The following MEI4 variants were observed in gnomAD, a reference collection of about 807,000 sequenced individuals.
The protein encoded by MEI4 is meiosis-specific protein MEI4.
MEI4 carries 27 observed loss-of-function variants against 31.4 expected under a neutral mutation model. The observed-to-expected ratio is 0.86, with a 90% CI of 0.63 to 1.19. MEI4 has a LOEUF of 1.19. MEI4 is among the 50% of genes most tolerant of loss of function. The pLI, the probability that MEI4 is intolerant of heterozygous loss-of-function variation, is 0.00. For missense variants in MEI4, 329 were observed against 398.9 expected (o/e 0.82, Z 1.49); for synonymous variants, 122 against 145.4 (o/e 0.84, Z 1.16).
chr6:77,736,436 G>T (rs1183349732), intron 2 of MEI4, among the ~76,000 whole-genome samples: 2 of 152,066 alleles, frequency 1.3e-5, no homozygotes, highest in Non-Finnish European at 2.9e-5. Context: ...ACTAGGAAAG[G>T]GAACTCCCTG....
intron 2 of MEI4, among the ~76,000 whole-genome samples, chr6:77,749,967 A>G (rs1767725545): frequency 6.6e-6 from 1 of 152,208 alleles, no homozygotes; most frequent in Admixed American, 6.5e-5. Flanking sequence ...CCAATATTCA[A>G]CATTCTTAAA....
chr6:77,884,040 G>A (rs1771563702), intron 4 of MEI4, among the ~76,000 whole-genome samples: 1 of 151,302 alleles, frequency 6.6e-6, no homozygotes, highest in African/African-American at 2.4e-5. Context: ...TTTGTCTTTT[G>A]GATAATAGCC....
In MEI4 at chr6:77,806,379, G is replaced by C. The variant is rs117442559; in HGVS notation, c.769-22552G>C. The stretch of plus-strand genomic sequence containing the variant: ...TAGAAATGCCCTTGATAAACCCTTT[G>C]GTTACAGGTTAGCACATGCAGTGGT... On this transcript the variant is annotated intron_variant, in intron 3 of 4. Coordinates refer to ENST00000684080, the MANE Select transcript of MEI4 (RefSeq NM_001322247.2). Among the ~76,000 whole-genome samples the C allele has an allele frequency of 3.4e-3, 513 of 152,092 alleles. 2 individuals carry two copies. Among genetic ancestry groups the C allele is most frequent in the Admixed American group, 7.1e-3 (109 of 15,264 alleles).
intron 3 of MEI4, among the ~76,000 whole-genome samples, chr6:77,792,058 C>G (rs1469938727): frequency 2.0e-5 from 3 of 152,076 alleles, no homozygotes; most frequent in African/African-American, 4.8e-5. Flanking sequence ...TCTTTTTGTG[C>G]CTTGGTTATT....
At position 77,777,362 on chromosome 6, in the gene MEI4, C is replaced by A. The variant is rs187304178; in HGVS notation, c.768+15697C>A. Among the ~76,000 whole-genome samples the A allele has an allele frequency of 2.6e-5, 4 of 152,146 alleles. No individual in the cohort carries two copies. In the East Asian group the frequency reaches 7.7e-4, roughly 29 times the overall value. On this transcript the variant is annotated intron_variant, in intron 3 of 4. Transcript: ENST00000684080. The stretch of plus-strand genomic sequence containing the variant: ...TTACCTCTGGAAGAGAGAATGGAAG[C>A]CAGGTGCTAGAATATAAAATAAGGA...
intron 3 of MEI4, among the ~76,000 whole-genome samples, chr6:77,774,003 A>T (rs1017960259): frequency 1.3e-5 from 2 of 152,188 alleles, no homozygotes; most frequent in African/African-American, 2.4e-5. Context: ...TATTAAAAAG[A>T]CAGATAATGA....
At chr6:77,870,267 A>G (rs1771159364) in intron 4 of MEI4, among the ~76,000 whole-genome samples, 1 of 152,174 alleles carries the variant, frequency 6.6e-6, no homozygotes, top group Admixed American at 6.6e-5. Context: ...GCTCCCAATC[A>G]CACAGTCACC....
intron 3 of MEI4, among the ~76,000 whole-genome samples, chr6:77,765,594 G>A (rs1341986854): frequency 8.0e-6 from 1 of 124,320 alleles, no homozygotes; most frequent in Non-Finnish European, 1.6e-5. Flanking sequence ...AGTCCCTGGT[G>A]TGAACTAGTT....
At chr6:77,839,181 T>C (rs1323939816) in intron 4 of MEI4, among the ~76,000 whole-genome samples, 4 of 152,126 alleles carry the variant, frequency 2.6e-5, no homozygotes, top group African/African-American at 4.8e-5. Context: ...CTCGGGACTT[T>C]TGTCTTTCTT....
At chr6:77,747,037 T>A (rs528693345) in intron 2 of MEI4, among the ~76,000 whole-genome samples, 5 of 152,192 alleles carry the variant, frequency 3.3e-5, no homozygotes, top group African/African-American at 1.2e-4. Context: ...TGAGGCTGGG[T>A]GCGGTGGCTC....
chr6:77,751,280 A>G (rs1767765985), intron 2 of MEI4, among the ~76,000 whole-genome samples: 1 of 152,264 alleles, frequency 6.6e-6, no homozygotes, highest in South Asian at 2.1e-4. Flanking sequence ...GCAGAACTGA[A>G]GGAGATAGAA....
chr6:77,731,757 T>A (rs953751037), intron 2 of MEI4, among the ~76,000 whole-genome samples: 11 of 152,040 alleles, frequency 7.2e-5, no homozygotes, highest in African/African-American at 2.2e-4. Flanking sequence ...TTTTTATGGT[T>A]TTAGGTCTAA....
intron 1 of MEI4, among the ~76,000 whole-genome samples, chr6:77,674,518 A>G (rs1159223598): frequency 6.6e-6 from 1 of 152,192 alleles, no homozygotes; most frequent in Non-Finnish European, 1.5e-5. Context: ...GAAGTATTCA[A>G]TGCAGTAACA....
Position 77,799,453 on chromosome 6 carries a change from A to C in MEI4, c.769-29478A>C, listed in dbSNP as rs534455645. 3.9e-3 allele frequency among the ~76,000 whole-genome samples: 592 copies of C among 152,060 alleles called. 5 individuals carry two copies. Among genetic ancestry groups the C allele is most frequent in the African/African-American group, 0.013 (532 of 41,414 alleles). Reference sequence around the variant, plus strand: ...TCCCATTTTGTAGGTTGCCTATTCAATCTGATGGTAGTTTCTTTTGCTGTG... The same window carrying C: ...TCCCATTTTGTAGGTTGCCTATTCACTCTGATGGTAGTTTCTTTTGCTGTG... On this transcript the variant is annotated intron_variant, in intron 3 of 4. Coordinates refer to ENST00000684080, the MANE Select transcript of MEI4 (RefSeq NM_001322247.2).
At chr6:77,793,201 G>C (rs1768985172) in intron 3 of MEI4, among the ~76,000 whole-genome samples, 1 of 152,006 alleles carries the variant, frequency 6.6e-6, no homozygotes. Context: ...GTTATCCGTA[G>C]ATTTCTCAAT....
chr6:77,713,865 C>A, intron 2 of MEI4, among the ~76,000 whole-genome samples: 1 of 152,052 alleles, frequency 6.6e-6, no homozygotes, highest in Non-Finnish European at 1.5e-5. Flanking sequence ...TTTCAGGAGC[C>A]CCCGTAATAG....
intron 3 of MEI4, among the ~76,000 whole-genome samples, chr6:77,778,096 A>G (rs780965443): frequency 6.8e-5 from 10 of 146,442 alleles, no homozygotes; most frequent in Non-Finnish European, 1.5e-4. Flanking sequence ...ATTATTGAAG[A>G]AAAGTGTGTG....
chr6:77,700,975 G>A (rs1766209243), intron 2 of MEI4, among the ~76,000 whole-genome samples: 1 of 152,022 alleles, frequency 6.6e-6, no homozygotes, highest in African/African-American at 2.4e-5. Flanking sequence ...AAGGAAGGAA[G>A]GAAGAAAAAG....
intron 2 of MEI4, among the ~76,000 whole-genome samples, chr6:77,729,913 A>G (rs936208333): frequency 6.6e-6 from 1 of 152,196 alleles, no homozygotes; most frequent in African/African-American, 2.4e-5. Flanking sequence ...AGAAATGAAT[A>G]TCAACCTGAG....
Sources: gnomAD v4.1 joint callset for allele counts (sites outside exome capture counted in the v4.1 genomes callset) on GRCh38, gnomAD v4.1.1 for gene constraint, MANE v1.5 for transcripts, NCBI Gene and HGNC (gene_info 2026-07-23, HGNC 2026-07-21) for gene names.